Variants in LSAMP observed in about 807,000 individuals in gnomAD.
LSAMP encodes the protein limbic system associated membrane protein.
A neutral mutation model predicts 38.6 loss-of-function variants in LSAMP; 7 were observed. The ratio of observed to expected loss-of-function variants is 0.18; its 90% CI spans 0.10 to 0.34. LSAMP has a LOEUF of 0.34. LSAMP is among the 10% of genes least tolerant of loss of function. The pLI is 1.00. For missense variants in LSAMP, 313 were observed against 420.0 expected, an observed-to-expected ratio of 0.75 and a Z score of 2.23; for synonymous variants, 154 against 166.8, an observed-to-expected ratio of 0.92 and a Z score of 0.59.
At chr3:116,142,081 T>G (rs1709382976) in intron 1 of LSAMP, among the ~76,000 whole-genome samples, 2 of 151,940 alleles carry the variant, frequency 1.3e-5, no homozygotes, top group Non-Finnish European at 2.9e-5. Context: ...GGTAGGTGAA[T>G]TGGTTATGAC....
chr3:116,150,786 A>G (rs984978210), intron 1 of LSAMP, among the ~76,000 whole-genome samples: 1 of 152,164 alleles, frequency 6.6e-6, no homozygotes, highest in East Asian at 1.9e-4. Context: ...AAGTTTTAAA[A>G]CAGTAAATAC....
intron 1 of LSAMP, among the ~76,000 whole-genome samples, chr3:116,391,718 C>A (rs555778386): frequency 1.3e-5 from 2 of 152,298 alleles, no homozygotes; most frequent in Non-Finnish European, 2.9e-5. Flanking sequence ...CCGTCTGGAG[C>A]GGCTGGAGCA....
intron 2 of LSAMP, among the ~76,000 whole-genome samples, chr3:116,082,716 A>T (rs1237363864): frequency 1.3e-5 from 2 of 152,244 alleles, no homozygotes; most frequent in African/African-American, 4.8e-5. Context: ...ATAAAAAAGA[A>T]CAAGATCATG....
chr3:115,884,628 A>T (rs1036716805), intron 3 of LSAMP, among the ~76,000 whole-genome samples: 2 of 151,984 alleles, frequency 1.3e-5, no homozygotes, highest in Non-Finnish European at 2.9e-5. Context: ...ATGGCACTGG[A>T]TGTAAAGATA....
At chr3:116,076,958 G>C (rs950812852) in intron 2 of LSAMP, among the ~76,000 whole-genome samples, 8 of 151,708 alleles carry the variant, frequency 5.3e-5, no homozygotes, top group Admixed American at 2.6e-4. Context: ...ACTATATATA[G>C]AAACTATTGA....
At chr3:115,851,308 A>C (rs778384164) in intron 4 of LSAMP, among the ~76,000 whole-genome samples, 3 of 152,166 alleles carry the variant, frequency 2.0e-5, no homozygotes, top group Non-Finnish European at 4.4e-5. Flanking sequence ...TGCACATAGT[A>C]GGTATGTGGA....
chr3:116,253,214 AAAAT>A (rs2046707720), intron 1 of LSAMP, among the ~76,000 whole-genome samples: 1 of 88,836 alleles, frequency 1.1e-5, no homozygotes, highest in Non-Finnish European at 2.6e-5. Context: ...CAGAATACGG[AAAAT>A]AAATACAGAA....
intron 1 of LSAMP, among the ~76,000 whole-genome samples, chr3:116,297,992 A>G (rs1463494832): frequency 1.3e-5 from 2 of 152,030 alleles, no homozygotes; most frequent in Admixed American, 1.3e-4. Flanking sequence ...TATCTCCTTT[A>G]TCTTCCTTAT....
chr3:116,195,655 A>G (rs1266806878), intron 1 of LSAMP, among the ~76,000 whole-genome samples: 1 of 152,164 alleles, frequency 6.6e-6, no homozygotes, highest in Non-Finnish European at 1.5e-5. Flanking sequence ...ATGGAAGCCC[A>G]AAAGTAAATG....
In LSAMP at chr3:115,906,867, T is replaced by G. The variant is rs928272781; in HGVS notation, c.515-54250A>C. On this transcript the variant is annotated intron_variant, in intron 3 of 6. Transcript: ENST00000490035. ...GAATTAGAGGCAGCTAATTATATCT[T>G]TGCTAGCTTAATTTCAGAGAATGAG... 3.9e-5 allele frequency among the ~76,000 whole-genome samples: 6 copies of G among 152,138 alleles called. 1 individual carries two copies. In the South Asian group the frequency reaches 6.2e-4, roughly 16 times the overall value.
chr3:116,389,917 T>G (rs2048670588), intron 1 of LSAMP, among the ~76,000 whole-genome samples: 1 of 152,170 alleles, frequency 6.6e-6, no homozygotes, highest in Non-Finnish European at 1.5e-5. Flanking sequence ...GCCCAAGGAA[T>G]GAGCACTCCC....
At chr3:115,941,394 A>T (rs1003908896) in intron 3 of LSAMP, among the ~76,000 whole-genome samples, 1 of 152,136 alleles carries the variant, frequency 6.6e-6, no homozygotes, top group Non-Finnish European at 1.5e-5. Context: ...AAACAAAACT[A>T]CCATATGATC....
At chr3:115,940,094 C>T (rs1159556373) in intron 3 of LSAMP, among the ~76,000 whole-genome samples, 2 of 152,218 alleles carry the variant, frequency 1.3e-5, no homozygotes, top group East Asian at 1.9e-4. Flanking sequence ...TTGTTTGTTC[C>T]TCCCGGTGGT....
intron 1 of LSAMP, among the ~76,000 whole-genome samples, chr3:116,417,089 C>T (rs2063210851): frequency 6.6e-6 from 1 of 152,074 alleles, no homozygotes; most frequent in African/African-American, 2.4e-5. Flanking sequence ...TCAAATCTCC[C>T]ACATTTTTCT....
chr3:115,989,971 T>G (rs544811287), intron 3 of LSAMP, among the ~76,000 whole-genome samples: 9 of 152,152 alleles, frequency 5.9e-5, no homozygotes, highest in African/African-American at 2.2e-4. Flanking sequence ...AGAGTTATAA[T>G]ATAAGTGGAT....
At chr3:116,055,627 C>A (rs1245992623) in intron 2 of LSAMP, among the ~76,000 whole-genome samples, 1 of 152,166 alleles carries the variant, frequency 6.6e-6, no homozygotes, top group Non-Finnish European at 1.5e-5. Context: ...GAATAAGGCT[C>A]TTTGGAACTC....
chr3:115,942,776 G>A (rs1377871035), intron 3 of LSAMP, among the ~76,000 whole-genome samples: 1 of 152,160 alleles, frequency 6.6e-6, no homozygotes, highest in East Asian at 1.9e-4. Context: ...TTTCATGCAA[G>A]TGATCTGCAG....
chr3:115,987,432 G>T (rs1034645035), intron 3 of LSAMP, among the ~76,000 whole-genome samples: 3 of 152,162 alleles, frequency 2.0e-5, no homozygotes, highest in Non-Finnish European at 2.9e-5. Flanking sequence ...TGTAAAGGAG[G>T]AATACACTTT....
At chr3:116,379,719 A>T (rs140160530) in intron 1 of LSAMP, among the ~76,000 whole-genome samples, 4 of 151,986 alleles carry the variant, frequency 2.6e-5, no homozygotes, top group Admixed American at 2.0e-4. Context: ...AGAGGTGAAA[A>T]CCATAAGAAT....
Sources: allele counts gnomAD v4.1 joint callset (sites outside exome capture counted in the v4.1 genomes callset), GRCh38; gene constraint gnomAD v4.1.1; transcripts MANE v1.5; gene names NCBI Gene and HGNC (gene_info 2026-07-23, HGNC 2026-07-21).